The following MAST4 variants were observed in gnomAD, a reference collection of about 807,000 sequenced individuals.
MAST4 encodes microtubule-associated serine/threonine-protein kinase 4.
Under a neutral mutation model 162.7 loss-of-function variants are expected in MAST4, and 89 were observed. The ratio of observed to expected loss-of-function variants is 0.55; its 90% CI spans 0.46 to 0.65. The LOEUF (loss-of-function observed/expected upper bound fraction) is 0.65. Ranked by LOEUF, MAST4 falls within the 30% of genes least tolerant of loss-of-function variation. The probability of loss-of-function intolerance (pLI) is 0.00; values close to 1 mark genes in which losing one functional copy is unlikely to be tolerated. For synonymous variants in MAST4, 1,479 were observed against 1,361.1 expected, an observed-to-expected ratio of 1.09 and a Z score of -1.91; for missense variants, 3,153 against 3,374.0, an observed-to-expected ratio of 0.93 and a Z score of 1.62.
chr5:66,878,493 A>C (rs1761455801), intron 3 of MAST4, among the ~76,000 whole-genome samples: 1 of 152,206 alleles, frequency 6.6e-6, no homozygotes, highest in Admixed American at 6.5e-5. Context: ...AGCTAGTAAA[A>C]GGTGAAGCCA....
intron 3 of MAST4, among the ~76,000 whole-genome samples, chr5:66,872,151 T>G (rs1027880038): frequency 6.7e-5 from 10 of 150,198 alleles, no homozygotes; most frequent in African/African-American, 9.9e-5. Context: ...GATATAAATT[T>G]TTTGTTTGTT....
At chr5:66,828,732 G>A in intron 3 of MAST4, 1 of 1,495,706 alleles carries the variant, frequency 6.7e-7, no homozygotes, top group Non-Finnish European at 9.1e-7. Flanking sequence ...CAATCAGCTA[G>A]AGCGTGATGT....
intron 1 of MAST4, among the ~76,000 whole-genome samples, chr5:66,643,186 G>A (rs576794622): frequency 2.0e-5 from 3 of 152,068 alleles, no homozygotes; most frequent in African/African-American, 7.2e-5. Flanking sequence ...GAAAAAATCC[G>A]CTTGATATGT....
chr5:67,163,123 C>G lies in MAST4; in HGVS notation c.3968-24C>G, dbSNP rs1561196062. 1 of 1,582,376 alleles carries G rather than the reference C, an allele frequency of 6.3e-7. No individual in the cohort carries two copies. Among genetic ancestry groups the G allele is most frequent in the Non-Finnish European group, 8.6e-7 (1 of 1,158,632 alleles). ...AGGGGAAAATGACCATGGATGCTCA[C>G]AGCCTTCTGTTTTCCATCCACAGGT... On this transcript the variant is annotated intron_variant, in intron 28 of 28. Coordinates refer to ENST00000403625, the MANE Select transcript of MAST4 (RefSeq NM_001164664.2). This position sits in a 1 kb window ranked among gnomAD's most constrained non-coding sequence, Gnocchi z 7.0.
At chr5:67,034,616 G>A (rs1370723858) in intron 4 of MAST4, among the ~76,000 whole-genome samples, 2 of 152,166 alleles carry the variant, frequency 1.3e-5, no homozygotes, top group Admixed American at 1.3e-4. Flanking sequence ...CAGTGACAGT[G>A]TGACTCTAGT....
At chr5:66,780,417 GTGTCCGGAGTTTATTCCTTCAGATA>G (rs1362936108) in intron 2 of MAST4, among the ~76,000 whole-genome samples, 2 of 152,178 alleles carry the variant, frequency 1.3e-5, no homozygotes, top group African/African-American at 2.4e-5. Context: ...TAAAGATGGT[GTGTCCGGAGTTTATTCCTTCAGATA>G]TGTCCAGAGT....
At chr5:66,685,097 A>G (rs1045641959) in intron 1 of MAST4, among the ~76,000 whole-genome samples, 11 of 152,126 alleles carry the variant, frequency 7.2e-5, no homozygotes, top group Admixed American at 2.0e-4. Flanking sequence ...CTCTGTCTCT[A>G]CATAAAATAC....
chr5:66,839,178 G>A (rs1486651030), intron 3 of MAST4, among the ~76,000 whole-genome samples: 1 of 152,142 alleles, frequency 6.6e-6, no homozygotes, highest in Non-Finnish European at 1.5e-5. Context: ...GGTTTCAGGA[G>A]TTAGGGATTA....
intron 12 of MAST4, among the ~76,000 whole-genome samples, chr5:67,118,040 G>A (rs1014748172): frequency 6.6e-6 from 1 of 152,130 alleles, no homozygotes; most frequent in African/African-American, 2.4e-5. Context: ...ATCACATACA[G>A]TACAAAAAAC....
intron 4 of MAST4, among the ~76,000 whole-genome samples, chr5:66,966,573 C>A (rs1248596583): frequency 6.6e-6 from 1 of 152,116 alleles, no homozygotes; most frequent in Non-Finnish European, 1.5e-5. Context: ...CAACATTTAG[C>A]TGGTGGAAAG....
chr5:66,962,247 A>G (rs958450284), intron 4 of MAST4, among the ~76,000 whole-genome samples: 5 of 151,968 alleles, frequency 3.3e-5, no homozygotes, highest in African/African-American at 1.2e-4. Context: ...GTGTAGAGCC[A>G]TCGTCCAGCG....
intron 23 of MAST4, among the ~76,000 whole-genome samples, chr5:67,147,920 A>C (rs1466494352): frequency 6.6e-6 from 1 of 152,226 alleles, no homozygotes; most frequent in Non-Finnish European, 1.5e-5. Flanking sequence ...ACATATGCAC[A>C]GTAGATGACC....
intron 1 of MAST4, among the ~76,000 whole-genome samples, chr5:66,735,674 G>A (rs938667665): frequency 5.9e-5 from 9 of 152,240 alleles, no homozygotes; most frequent in Admixed American, 3.9e-4. Context: ...GTTTTTATAT[G>A]TATATTTGGA....
intron 1 of MAST4, among the ~76,000 whole-genome samples, chr5:66,726,323 A>G (rs6860389): frequency 0.29 from 43,393 of 151,886 alleles, 8,048 homozygotes; most frequent in African/African-American, 0.51. Flanking sequence ...CTGGAGGCCA[A>G]AGTAGATTCA....
rs79493238 is a variant in MAST4, at chr5:67,165,203, C to T, written c.6024C>T (p.Thr2008=). The change falls in exon 29 of 29, where the codon ACC becomes ACT. Residue 2008 remains threonine (T), a synonymous_variant. Transcript: ENST00000403625. Reference sequence around the variant, plus strand: ...TGTGCTTTCCAGAAACTGCGAAAACCAGTGACAACTCCAAAAATCTCCTCT... The same window carrying T: ...TGTGCTTTCCAGAAACTGCGAAAACTAGTGACAACTCCAAAAATCTCCTCT... The part of the protein sequence containing the change: ...MELCFPETAK[T]SDNSKNLLSV... 1.9e-6 allele frequency: 3 copies of T among 1,610,390 alleles called. No homozygotes were observed. The highest frequency in any genetic ancestry group is 3.4e-5 in the Admixed American group (2 of 59,470).
chr5:66,788,607 C>CCCAAAAAAA, intron 2 of MAST4, 63 bp from the exon 3 acceptor site: 1 of 1,373,726 alleles, frequency 7.3e-7, no homozygotes, highest in Non-Finnish European at 1.0e-6. Flanking sequence ...CCCCCACCCC[C>CCCAAAAAAA]ATTGCAATAA....
intron 7 of MAST4, among the ~76,000 whole-genome samples, chr5:67,098,469 G>A (rs953685503): frequency 2.0e-5 from 3 of 152,058 alleles, no homozygotes; most frequent in African/African-American, 7.2e-5. Context: ...TTTCTTACCA[G>A]ATAAATTATT....
At position 67,167,193 on chromosome 5, in the gene MAST4, C is replaced by T; in HGVS notation, c.*142C>T. 5.6e-6 allele frequency: 2 copies of T among 356,178 alleles called. No homozygotes were observed. Among genetic ancestry groups the T allele is most frequent in the South Asian group, 1.5e-4 (2 of 13,288 alleles). The allele number at this position is 356,178 out of a possible 1,614,324, so 22.1% of individuals were successfully genotyped here. Reference sequence around the variant, plus strand: ...CATTGAGACAGGGGAGAGAGAAAGACAAAGAGGGGACCTTCTTCCAGATGC... The same window carrying T: ...CATTGAGACAGGGGAGAGAGAAAGATAAAGAGGGGACCTTCTTCCAGATGC... On this transcript the variant is annotated 3_prime_UTR_variant, in exon 29 of 29. Transcript: ENST00000403625.
intron 4 of MAST4, among the ~76,000 whole-genome samples, chr5:67,043,943 T>C (rs758228850): frequency 2.0e-5 from 3 of 152,172 alleles, no homozygotes; most frequent in Admixed American, 6.5e-5. Context: ...CCCCATGTTA[T>C]AAAACTGGCT....
Sources: gnomAD v4.1 joint callset for allele counts (sites outside exome capture counted in the v4.1 genomes callset) on GRCh38, gnomAD v4.1.1 for gene constraint, Gnocchi (gnomAD v3.1) non-coding constraint, MANE v1.5 for transcripts, NCBI Gene and HGNC (gene_info 2026-07-23, HGNC 2026-07-21) for gene names.